DMD: variants seen among roughly 807,000 people sequenced by gnomAD.
DMD encodes dystrophin, also known as mutant dystrophin.
A neutral mutation model predicts 330.1 loss-of-function variants in DMD; 63 were observed. That is an observed-to-expected ratio of 0.19 (90% CI 0.16 to 0.24). The LOEUF is 0.24. Among genes scored for constraint, DMD ranks in the 10% least tolerant of loss-of-function variants. The probability of loss-of-function intolerance (pLI) is 1.00; values close to 1 mark genes in which losing one functional copy is unlikely to be tolerated. For missense variants in DMD, 3,344 were observed against 2,684.1 expected, an observed-to-expected ratio of 1.25 and a Z score of -5.43; for synonymous variants, 1,223 against 959.8, an observed-to-expected ratio of 1.27 and a Z score of -5.07.
At chrX:33,270,136 C>T (rs943844857) in intron 1 of DMD, among the ~76,000 whole-genome samples, 1 of 110,606 alleles carries the variant, frequency 9.0e-6, no homozygotes, top group Non-Finnish European at 1.9e-5. Flanking sequence ...AAAATTCCCA[C>T]TTCACCTTCT....
At chrX:31,845,420 TCTCTCC>T in intron 48 of DMD, among the ~76,000 whole-genome samples, 2 of 87,829 alleles carry the variant, frequency 2.3e-5, no homozygotes, top group African/African-American at 5.0e-5. Context: ...TCTCTCTCTC[TCTCTCC>T]CTCTCCTCCC....
intron 57 of DMD, among the ~76,000 whole-genome samples, chrX:31,486,392 G>A (rs1054005678): frequency 2.7e-5 from 3 of 112,253 alleles, no homozygotes; most frequent in Non-Finnish European, 3.8e-5. Flanking sequence ...GCTGTAAATT[G>A]GGAAAAATGG....
At chrX:33,049,151 A>G (rs1258008204) in intron 1 of DMD, among the ~76,000 whole-genome samples, 3 of 111,910 alleles carry the variant, frequency 2.7e-5, no homozygotes, top group Non-Finnish European at 5.6e-5. Flanking sequence ...CTGAACACTA[A>G]AAAGAGTCCT....
chrX:31,201,475 T>C (rs1365018379), intron 67 of DMD, among the ~76,000 whole-genome samples: 1 of 112,522 alleles, frequency 8.9e-6, no homozygotes, highest in Non-Finnish European at 1.9e-5. Context: ...ATTCAAAGCT[T>C]TGAGACTGAG....
intron 63 of DMD, among the ~76,000 whole-genome samples, chrX:31,256,981 T>C (rs993835080): frequency 9.1e-6 from 1 of 110,038 alleles, no homozygotes; most frequent in Admixed American, 9.8e-5. Flanking sequence ...CCAATGGTAA[T>C]ATCTCAAGCA....
intron 25 of DMD, among the ~76,000 whole-genome samples, chrX:32,457,478 A>T (rs1043378519): frequency 9.0e-6 from 1 of 110,899 alleles, no homozygotes; most frequent in Non-Finnish European, 1.9e-5. Context: ...AGCGTGGAGA[A>T]GATGTAGGAG....
At chrX:31,824,558 G>T (rs1002429714) in intron 49 of DMD, among the ~76,000 whole-genome samples, 1 of 111,626 alleles carries the variant, frequency 9.0e-6, no homozygotes, top group Non-Finnish European at 1.9e-5. Context: ...GCCATGGGTG[G>T]ATCTTTAAAA....
At chrX:32,178,830 G>GGTGTGTGTGT (rs60773717) in intron 44 of DMD, among the ~76,000 whole-genome samples, 105 of 99,172 alleles carry the variant, frequency 1.1e-3, no homozygotes, top group African/African-American at 3.6e-3. Context: ...TATTCCAGGG[G>GGTGTGTGTGT]GTGTGTGTGT....
At chrX:31,810,140 G>A (rs1463475649) in intron 50 of DMD, among the ~76,000 whole-genome samples, 3 of 111,560 alleles carry the variant, frequency 2.7e-5, no homozygotes, top group East Asian at 5.6e-4. Context: ...GCATGTAAAC[G>A]TAGGAAAAGG....
chrX:32,649,559 TAAAAAAAA>T (rs1161462889), intron 9 of DMD, among the ~76,000 whole-genome samples: 2 of 54,280 alleles, frequency 3.7e-5, no homozygotes, highest in Non-Finnish European at 2.9e-5. Context: ...CCGTCTCTTT[TAAAAAAAA>T]AAAAAAAAAA....
chrX:31,787,652 T>G (rs1411967933), intron 50 of DMD, among the ~76,000 whole-genome samples: 1 of 111,847 alleles, frequency 8.9e-6, no homozygotes, highest in South Asian at 3.8e-4. Context: ...ATAATGACCT[T>G]GGAAATGTAA....
intron 39 of DMD, among the ~76,000 whole-genome samples, chrX:32,344,960 C>T (rs1453619135): frequency 1.8e-5 from 2 of 111,455 alleles, no homozygotes; most frequent in Non-Finnish European, 3.8e-5. Flanking sequence ...ACCTGCTGGC[C>T]AATTAGACTT....
chrX:32,516,967 G>C (rs2045919765), intron 18 of DMD: 1 of 111,378 alleles, frequency 9.0e-6, no homozygotes, highest in Admixed American at 9.6e-5. Flanking sequence ...AAGAAGAACT[G>C]GTGACAAAAT....
At chrX:31,464,729 T>C (rs2066739122) in intron 59 of DMD, among the ~76,000 whole-genome samples, 1 of 112,787 alleles carries the variant, frequency 8.9e-6, no homozygotes, top group African/African-American at 3.2e-5. Flanking sequence ...CAATTCTACA[T>C]GAATTAGCTT....
At chrX:32,646,419 A>G (rs1160563724) in intron 9 of DMD, among the ~76,000 whole-genome samples, 2 of 111,641 alleles carry the variant, frequency 1.8e-5, no homozygotes, top group African/African-American at 3.3e-5. Context: ...GGTGAGCAGA[A>G]CAAACAAATA....
chrX:32,125,000 T>C (rs1244751750), intron 44 of DMD, among the ~76,000 whole-genome samples: 1 of 103,995 alleles, frequency 9.6e-6, no homozygotes, highest in African/African-American at 3.5e-5. Context: ...GTAGTTGGAG[T>C]ACAGAGAATG....
chrX:32,809,738 G>A (rs1407647939), intron 6 of DMD, 127 bp from the exon 7 acceptor site: 14 of 533,451 alleles, frequency 2.6e-5, no homozygotes, highest in African/African-American at 9.4e-5. Flanking sequence ...AGTCTTGAGT[G>A]TAATTCATTT....
chrX:31,946,326 G>A (rs1271931800), intron 45 of DMD, among the ~76,000 whole-genome samples: 3 of 111,878 alleles, frequency 2.7e-5, no homozygotes, highest in Middle Eastern at 4.3e-3. Context: ...TTGAAACTAG[G>A]AATTCAGTGT....
chrX:32,304,246 G>A (rs1232958694), intron 42 of DMD, among the ~76,000 whole-genome samples: 2 of 111,480 alleles, frequency 1.8e-5, no homozygotes, highest in Non-Finnish European at 3.8e-5. Flanking sequence ...CCAGCCTCAT[G>A]ATTTGTAAGT....
Sources: gnomAD v4.1 joint callset for allele counts (sites outside exome capture counted in the v4.1 genomes callset) on GRCh38, gnomAD v4.1.1 for gene constraint, MANE v1.5 for transcripts, NCBI Gene and HGNC (gene_info 2026-07-23, HGNC 2026-07-21) for gene names.